JAKMIP1: variants seen among roughly 807,000 people sequenced by gnomAD.
JAKMIP1 encodes the protein janus kinase and microtubule interacting protein 1.
A neutral mutation model predicts 113.0 loss-of-function variants in JAKMIP1; 33 were observed. That is an observed-to-expected ratio of 0.29 (90% CI 0.22 to 0.39). The LOEUF (loss-of-function observed/expected upper bound fraction) is 0.39. Among genes scored for constraint, JAKMIP1 ranks in the 10% least tolerant of loss-of-function variants. The pLI is 1.00. For missense variants in JAKMIP1, 813 were observed against 1,080.5 expected, an observed-to-expected ratio of 0.75 and a Z score of 3.47; for synonymous variants, 480 against 459.9, an observed-to-expected ratio of 1.04 and a Z score of -0.56.
At chr4:6,163,121 C>T (rs765589597) in intron 1 of JAKMIP1, among the ~76,000 whole-genome samples, 15 of 152,228 alleles carry the variant, frequency 9.9e-5, no homozygotes, top group Admixed American at 3.3e-4. Flanking sequence ...ATGATGGAGG[C>T]TGTGTTAGTT....
At chr4:6,195,688 G>A (rs955616827) in intron 1 of JAKMIP1, among the ~76,000 whole-genome samples, 2 of 152,066 alleles carry the variant, frequency 1.3e-5, no homozygotes, top group African/African-American at 4.8e-5. Flanking sequence ...CCCTCTATGC[G>A]CATCTATAAA....
At chr4:6,099,896 G>C (rs1712714207) in intron 3 of JAKMIP1, among the ~76,000 whole-genome samples, 1 of 152,154 alleles carries the variant, frequency 6.6e-6, no homozygotes, top group African/African-American at 2.4e-5. Context: ...TTAGTGTATG[G>C]GATGCTACCG....
In JAKMIP1 at chr4:6,188,780, G is replaced by A. The variant is rs527247654; in HGVS notation, c.-148+11473C>T. The stretch of plus-strand genomic sequence containing the variant: ...TGCATTTGTCCCTATAGAAAAATCC[G>A]GGGCTCTGCAATACACAGGCTCTCA... On this transcript the variant is annotated intron_variant, in intron 1 of 20. Transcript: ENST00000409021. This position sits in a 1 kb window ranked among gnomAD's most constrained non-coding sequence, Gnocchi z 5.8. Among the ~76,000 whole-genome samples the A allele has an allele frequency of 3.5e-4, 53 of 152,172 alleles. No individual in the cohort carries two copies. The highest frequency in any genetic ancestry group is 6.5e-4 in the Admixed American group (10 of 15,278).
chr4:6,104,963 G>C (rs1669141489), intron 3 of JAKMIP1, among the ~76,000 whole-genome samples: 1 of 152,228 alleles, frequency 6.6e-6, no homozygotes, highest in South Asian at 2.1e-4. Flanking sequence ...CCCAAGGGAA[G>C]AAAGCAGCTG....
chr4:6,190,862 C>G (rs536906921), intron 1 of JAKMIP1, among the ~76,000 whole-genome samples: 6 of 152,298 alleles, frequency 3.9e-5, no homozygotes, highest in Admixed American at 3.3e-4. Flanking sequence ...GGCCCATAGT[C>G]CCCTCCTGGG....
rs541928741 is a variant in JAKMIP1 at position 6,065,152 on chromosome 4, C to T, written c.1303-144G>A. ...ATCACAAGATGCGGTTGGTGGGCTT[C>T]GTAACTGACTGGGTGGGATAAAAGG... On this transcript the variant is annotated intron_variant, in intron 8 of 20. Coordinates refer to ENST00000409021, the MANE Select transcript of JAKMIP1 (RefSeq NM_001099433.2). This position sits in a 1 kb window ranked among gnomAD's most constrained non-coding sequence, Gnocchi z 5.1. The T allele has an allele frequency of 3.4e-5, 34 of 1,008,424 alleles. No individual in the cohort carries two copies. Among genetic ancestry groups the T allele is most frequent in the Middle Eastern group, 4.4e-4 (2 of 4,596 alleles). 62.5% of individuals were successfully genotyped at this position (1,008,424 alleles called of 1,614,324 possible). A position where few individuals can be genotyped will look rare whatever the true frequency, so the allele number is the denominator to read the frequency against.
rs1369090812 is a variant in JAKMIP1 at position 6,184,278 on chromosome 4, C to G, written c.-148+15975G>C. ...CCAGGTGCCCAGCACATAGCAGACA[C>G]TCCACAAATGCCCTAGGGAAGGAAG... On this transcript the variant is annotated intron_variant, in intron 1 of 20. Coordinates refer to ENST00000409021, the MANE Select transcript of JAKMIP1 (RefSeq NM_001099433.2). This position sits in a 1 kb window ranked among gnomAD's most constrained non-coding sequence, Gnocchi z 4.5. Among the ~76,000 whole-genome samples, 1 of 152,218 alleles carries G rather than the reference C, an allele frequency of 6.6e-6. No homozygotes were observed. Among genetic ancestry groups the G allele is most frequent in the Non-Finnish European group, 1.5e-5 (1 of 68,048 alleles).
intron 8 of JAKMIP1, among the ~76,000 whole-genome samples, chr4:6,078,487 A>G (rs1720014338): frequency 1.3e-5 from 2 of 149,876 alleles, no homozygotes. Context: ...TTATAAGCCC[A>G]GCTCCTTCAG....
chr4:6,148,024 G>T (rs763590582), intron 1 of JAKMIP1, among the ~76,000 whole-genome samples: 1 of 152,242 alleles, frequency 6.6e-6, no homozygotes. Context: ...AGCAAGGACC[G>T]TGTCTTAGTC....
rs1008107088 is a variant in JAKMIP1 at position 6,056,644 on chromosome 4, C to T, written c.1707+53G>A. On this transcript the variant is annotated intron_variant, in intron 12 of 20. Transcript: ENST00000409021. The stretch of plus-strand genomic sequence containing the variant: ...GACCCGTGTAGTCTGAGCAGGCCCG[C>T]GGGGTCCCAACTGCCCTGCGGCTGT... 2.9e-5 allele frequency: 41 copies of T among 1,421,134 alleles called. No homozygotes were observed. In the South Asian group the frequency reaches 3.0e-4, roughly 10 times the overall value. The allele number at this position is 1,421,134 out of a possible 1,614,324, so 88.0% of individuals were successfully genotyped here. A position where few individuals can be genotyped will look rare whatever the true frequency, so the allele number is the denominator to read the frequency against.
At chr4:6,117,855 T>C (rs1426221733) in intron 1 of JAKMIP1, among the ~76,000 whole-genome samples, 1 of 152,272 alleles carries the variant, frequency 6.6e-6, no homozygotes, top group African/African-American at 2.4e-5. Context: ...GGCTCTGTTC[T>C]GCCTGGCTCA....
At position 6,050,521 on chromosome 4, in the gene JAKMIP1, G is replaced by A. The variant is rs1336107583; in HGVS notation, c.1908+57C>T. ...AGCACTCCCCCTTTGCAGCTGAGCC[G>A]GGCACTGAGCGAGCCCTTGGCTGGC... is the stretch of plus-strand genomic sequence containing the variant. On this transcript the variant is annotated intron_variant, in intron 14 of 20. Coordinates refer to ENST00000409021, the MANE Select transcript of JAKMIP1 (RefSeq NM_001099433.2). This position sits in a 1 kb window ranked among gnomAD's most constrained non-coding sequence, Gnocchi z 7.4. 28 of 1,214,798 alleles carry A rather than the reference G, an allele frequency of 2.3e-5. No homozygotes were observed. In the East Asian group the frequency reaches 2.8e-4, roughly 12 times the overall value. The allele number at this position is 1,214,798 out of a possible 1,614,324, so 75.3% of individuals were successfully genotyped here.
At position 6,091,300 on chromosome 4, in the gene JAKMIP1, G is replaced by A. The variant is rs80038693; in HGVS notation, c.625-5671C>T. Among the ~76,000 whole-genome samples, 1,496 of 152,286 alleles carry A rather than the reference G, an allele frequency of 9.8e-3. 30 individuals carry two copies. The highest frequency in any genetic ancestry group is 0.034 in the African/African-American group (1,414 of 41,548). ...ATGGAAACGGAGCCTTTGTGATACTGGATCCCTGGCACATTTTAAATTAAG... is the reference window on the plus strand; with the variant it reads ...ATGGAAACGGAGCCTTTGTGATACTAGATCCCTGGCACATTTTAAATTAAG... On this transcript the variant is annotated intron_variant, in intron 3 of 20. Transcript: ENST00000409021.
Position 6,197,140 on chromosome 4 carries a change from C to T in JAKMIP1, c.-148+3113G>A, listed in dbSNP as rs1433984721. 1.3e-5 allele frequency among the ~76,000 whole-genome samples: 2 copies of T among 152,156 alleles called. No homozygotes were observed. The highest frequency in any genetic ancestry group is 2.4e-5 in the African/African-American group (1 of 41,434). On this transcript the variant is annotated intron_variant, in intron 1 of 20. Coordinates refer to ENST00000409021, the MANE Select transcript of JAKMIP1 (RefSeq NM_001099433.2). The surrounding 1 kb of genome is among the most constrained non-coding windows in gnomAD (Gnocchi z 6.5). ...TAAGTGCTGATATTTCCTTACGTGG[C>T]CCTCATTCCCCTTATCCAGACAAAA...
intron 12 of JAKMIP1, among the ~76,000 whole-genome samples, chr4:6,055,324 T>C (rs190953854): frequency 4.6e-5 from 7 of 152,204 alleles, no homozygotes; most frequent in African/African-American, 1.7e-4. Flanking sequence ...ATTGCGGTGA[T>C]GGTTGTGCAA....
chr4:6,126,490 C>T (rs1479501713), intron 1 of JAKMIP1, among the ~76,000 whole-genome samples: 1 of 151,008 alleles, frequency 6.6e-6, no homozygotes, highest in Non-Finnish European at 1.5e-5. Context: ...TAGAAACACA[C>T]AAACACGCAT....
Position 6,128,948 on chromosome 4 carries a change from C to T in JAKMIP1, c.-147-15951G>A, listed in dbSNP as rs542269712. On this transcript the variant is annotated intron_variant, in intron 1 of 20. Coordinates refer to ENST00000409021, the MANE Select transcript of JAKMIP1 (RefSeq NM_001099433.2). ...CCCCACACCCAGGGGGTGCCTTGCC[C>T]GGCCCCTGGCCGTCTCACCCGGGCG... Among the ~76,000 whole-genome samples, 20 of 152,378 alleles carry T rather than the reference C, an allele frequency of 1.3e-4. No individual in the cohort carries two copies. The South Asian group carries it at 1.7e-3, about 13-fold the overall frequency.
intron 1 of JAKMIP1, among the ~76,000 whole-genome samples, chr4:6,171,673 CAT>C (rs1228802465): frequency 6.6e-6 from 1 of 152,178 alleles, no homozygotes; most frequent in Non-Finnish European, 1.5e-5. Flanking sequence ...AGAGTCTTCA[CAT>C]GTCTTGAAGG....
chr4:6,138,986 C>T lies in JAKMIP1; in HGVS notation c.-147-25989G>A, dbSNP rs973436570. On this transcript the variant is annotated intron_variant, in intron 1 of 20. Coordinates refer to ENST00000409021, the MANE Select transcript of JAKMIP1 (RefSeq NM_001099433.2). This position sits in a 1 kb window ranked among gnomAD's most constrained non-coding sequence, Gnocchi z 6.0. Reference sequence around the variant, plus strand: ...CATCTGGCTGGAATATGTCTCCCCACCCCACCCTGTCTGTTCATCCTCCAT... The same window carrying T: ...CATCTGGCTGGAATATGTCTCCCCATCCCACCCTGTCTGTTCATCCTCCAT... Among the ~76,000 whole-genome samples, 1 of 152,072 alleles carries T rather than the reference C, an allele frequency of 6.6e-6. No individual in the cohort carries two copies. The highest frequency in any genetic ancestry group is 2.4e-5 in the African/African-American group (1 of 41,376).
Sources: allele counts gnomAD v4.1 joint callset (sites outside exome capture counted in the v4.1 genomes callset), GRCh38; gene constraint gnomAD v4.1.1; non-coding constraint Gnocchi (gnomAD v3.1); transcripts MANE v1.5; gene names NCBI Gene and HGNC (gene_info 2026-07-23, HGNC 2026-07-21).